PABPC4L: variants seen among roughly 807,000 people sequenced by gnomAD.
PABPC4L encodes the protein poly(A) binding protein cytoplasmic 4 like.
For synonymous variants in PABPC4L, 169 were observed against 164.1 expected (o/e 1.03, Z -0.23); for missense variants, 452 against 451.4 (o/e 1.00, Z -0.01).
the PABPC4L span, among the ~76,000 whole-genome samples, chr4:134,075,907 A>G: frequency 2.6e-5 from 4 of 152,088 alleles, no homozygotes; most frequent in Admixed American, 2.6e-4. Context: ...ACATCATTAA[A>G]TTGGTCAAAG....
chr4:134,039,427 T>G, the PABPC4L span, among the ~76,000 whole-genome samples: 2 of 151,702 alleles, frequency 1.3e-5, no homozygotes, highest in Non-Finnish European at 3.0e-5. Flanking sequence ...GTGGGGTATT[T>G]AACTCTTAGT....
At chr4:134,156,991 TA>T in the PABPC4L span, among the ~76,000 whole-genome samples, 1 of 151,922 alleles carries the variant, frequency 6.6e-6, no homozygotes, top group Non-Finnish European at 1.5e-5. Context: ...GGTTTTAAAA[TA>T]ACTTTAAAAA....
chr4:134,192,790 T>C (rs1321773389), downstream of PABPC4L, among the ~76,000 whole-genome samples: 1 of 152,048 alleles, frequency 6.6e-6, no homozygotes, highest in Non-Finnish European at 1.5e-5. Flanking sequence ...ATGAATCAAT[T>C]TGAATAAAGT....
chr4:133,962,664 G>T, the PABPC4L span, among the ~76,000 whole-genome samples: 1 of 152,162 alleles, frequency 6.6e-6, no homozygotes, highest in Non-Finnish European at 1.5e-5. Flanking sequence ...CTAGCTTGAA[G>T]GGATTGGGGC....
At chr4:134,089,968 A>G in the PABPC4L span, among the ~76,000 whole-genome samples, 2 of 152,182 alleles carry the variant, frequency 1.3e-5, no homozygotes, top group African/African-American at 2.4e-5. Flanking sequence ...CAATATTGAA[A>G]TCAATTGAGC....
the PABPC4L span, among the ~76,000 whole-genome samples, chr4:134,083,862 T>TATA: frequency 4.8e-3 from 730 of 152,262 alleles, 8 homozygotes; most frequent in African/African-American, 0.016. Flanking sequence ...AACACAGGTA[T>TATA]ATGTGATACA....
the PABPC4L span, among the ~76,000 whole-genome samples, chr4:134,109,745 T>C: frequency 1.3e-5 from 2 of 151,862 alleles, no homozygotes; most frequent in African/African-American, 4.8e-5. Flanking sequence ...TCCAAATTTC[T>C]AGATCATTTT....
the PABPC4L span, among the ~76,000 whole-genome samples, chr4:134,172,705 T>C: frequency 6.6e-6 from 1 of 151,934 alleles, no homozygotes; most frequent in Non-Finnish European, 1.5e-5. Flanking sequence ...TAAAAAAAAC[T>C]ATCTATATCG....
chr4:134,132,014 T>C, the PABPC4L span, among the ~76,000 whole-genome samples: 1 of 151,982 alleles, frequency 6.6e-6, no homozygotes, highest in South Asian at 2.1e-4. Flanking sequence ...AAGCCACATG[T>C]AGAAGAAAGA....
chr4:134,121,455 T>G, the PABPC4L span, among the ~76,000 whole-genome samples: 1,809 of 151,664 alleles, frequency 0.012, 16 homozygotes, highest in South Asian at 0.033. Context: ...TAAGTTAGAG[T>G]AGGGACAGAT....
At chr4:134,004,342 A>C in the PABPC4L span, among the ~76,000 whole-genome samples, 1 of 151,960 alleles carries the variant, frequency 6.6e-6, no homozygotes, top group African/African-American at 2.4e-5. Flanking sequence ...ACCTGAATAG[A>C]CATTTCCCAA....
At chr4:134,126,301 A>G in the PABPC4L span, among the ~76,000 whole-genome samples, 105 of 152,250 alleles carry the variant, frequency 6.9e-4, no homozygotes, top group African/African-American at 2.4e-3. Flanking sequence ...TCAGTGATTA[A>G]GTCTCAACTT....
chr4:134,033,721 A>C, the PABPC4L span, among the ~76,000 whole-genome samples: 2 of 151,964 alleles, frequency 1.3e-5, no homozygotes, highest in Admixed American at 1.3e-4. Flanking sequence ...AATGCTCTTC[A>C]ATTCTATAAG....
chr4:134,183,042 T>C, the PABPC4L span, among the ~76,000 whole-genome samples: 1 of 152,042 alleles, frequency 6.6e-6, no homozygotes, highest in Non-Finnish European at 1.5e-5. Context: ...TGGAAAGCAG[T>C]ATGGGAATTT....
the PABPC4L span, among the ~76,000 whole-genome samples, chr4:133,981,175 T>A: frequency 4.1e-5 from 6 of 146,568 alleles, no homozygotes; most frequent in Admixed American, 2.7e-4. Flanking sequence ...AAAAAAAAAA[T>A]AGTAACAAAT....
chr4:134,074,743 C>T, the PABPC4L span, among the ~76,000 whole-genome samples: 3 of 152,156 alleles, frequency 2.0e-5, no homozygotes, highest in East Asian at 5.8e-4. Flanking sequence ...GAAACAAGTC[C>T]TTCTTCACAT....
chr4:134,181,934 T>C, the PABPC4L span, among the ~76,000 whole-genome samples: 1 of 151,396 alleles, frequency 6.6e-6, no homozygotes, highest in East Asian at 1.9e-4. Context: ...ATTGTTAAAA[T>C]GCCCAAAGCA....
chr4:134,027,592 C>G, the PABPC4L span, among the ~76,000 whole-genome samples: 1 of 152,064 alleles, frequency 6.6e-6, no homozygotes, highest in Non-Finnish European at 1.5e-5. Context: ...TGGGTAAATA[C>G]CCAGAAATAA....
chr4:134,188,191 A>C, the PABPC4L span, among the ~76,000 whole-genome samples: 2 of 151,996 alleles, frequency 1.3e-5, no homozygotes, highest in African/African-American at 2.4e-5. Flanking sequence ...TAATTAAAAA[A>C]ACAACAACAA....
Sources: allele counts gnomAD v4.1 joint callset (sites outside exome capture counted in the v4.1 genomes callset), GRCh38; gene constraint gnomAD v4.1.1; transcripts MANE v1.5; gene names NCBI Gene and HGNC (gene_info 2026-07-23, HGNC 2026-07-21).